Variants in PPIP5K2 observed in about 807,000 individuals in gnomAD.
PPIP5K2 encodes the protein diphosphoinositol pentakisphosphate kinase 2.
A neutral mutation model predicts 154.6 loss-of-function variants in PPIP5K2; 105 were observed. The ratio of observed to expected loss-of-function variants is 0.68; its 90% CI spans 0.58 to 0.80. The LOEUF is 0.80. Ranked by LOEUF, PPIP5K2 falls within the 30% of genes least tolerant of loss-of-function variation. The probability of loss-of-function intolerance (pLI) is 0.00; values close to 1 mark genes in which losing one functional copy is unlikely to be tolerated. For synonymous variants in PPIP5K2, 480 were observed against 490.3 expected, an observed-to-expected ratio of 0.98 and a Z score of 0.28; for missense variants, 992 against 1,504.6, an observed-to-expected ratio of 0.66 and a Z score of 5.64.
At chr5:103,156,517 G>C (rs930342037) in intron 14 of PPIP5K2, among the ~76,000 whole-genome samples, 1 of 152,178 alleles carries the variant, frequency 6.6e-6, no homozygotes, top group African/African-American at 2.4e-5. Context: ...AAAGGGTAGG[G>C]ATTGGGGAAG....
rs782171286 is a variant in PPIP5K2, at chr5:103,152,758, G to A, written c.1130+9G>A. On this transcript the variant is annotated intron_variant, in intron 10 of 30. Coordinates refer to ENST00000358359, the MANE Select transcript of PPIP5K2 (RefSeq NM_001276277.3). ...ACTACATCTGGAACTATGTAAGTCT[G>A]AATTATTTTCATTTAGAAATTGAGT... is the stretch of plus-strand genomic sequence containing the variant. 1.3e-6 allele frequency: 2 copies of A among 1,504,282 alleles called. No homozygotes were observed. Among genetic ancestry groups the A allele is most frequent in the East Asian group, 4.6e-5 (2 of 43,858 alleles). 93.2% of individuals were successfully genotyped at this position (1,504,282 alleles called of 1,614,324 possible).
rs183128341 is a variant in PPIP5K2, at chr5:103,183,239, G to A, written c.2928G>A (p.Glu976=). 5.3e-6 allele frequency: 3 copies of A among 566,142 alleles called. No individual in the cohort carries two copies. In the Admixed American group the frequency reaches 1.6e-4, roughly 31 times the overall value. 35.1% of individuals were successfully genotyped at this position (566,142 alleles called of 1,614,324 possible). A position where few individuals can be genotyped will look rare whatever the true frequency, so the allele number is the denominator to read the frequency against. ...RSRKTATNDE[E]SPLSVSSPEG... ...GCCCCCTTTCTCACTTCCAGGAAGA[G>A]AGCCCCCTGAGTGTGTCTAGCCCAG... The change falls in exon 25 of 31, where the codon GAG becomes GAA. Residue 976 remains glutamate (E), a synonymous_variant. Coordinates refer to ENST00000358359, the MANE Select transcript of PPIP5K2 (RefSeq NM_001276277.3).
At chr5:103,130,199 AG>A (rs1329714085) in intron 2 of PPIP5K2, among the ~76,000 whole-genome samples, 8 of 152,156 alleles carry the variant, frequency 5.3e-5, no homozygotes, top group African/African-American at 1.9e-4. Context: ...CTACCTAAAA[AG>A]TATCTATGTG....
intron 1 of PPIP5K2, among the ~76,000 whole-genome samples, chr5:103,123,399 C>T (rs782222701): frequency 1.3e-5 from 2 of 152,188 alleles, no homozygotes. Flanking sequence ...TCAGCATCAC[C>T]TTGGAACTTT....
At chr5:103,147,098 A>G (rs1162746944) in intron 6 of PPIP5K2, among the ~76,000 whole-genome samples, 2 of 152,096 alleles carry the variant, frequency 1.3e-5, no homozygotes, top group Admixed American at 6.5e-5. Context: ...ATGACATTGT[A>G]TTACTTTTTG....
chr5:103,128,382 A>C (rs1445480076), intron 1 of PPIP5K2, among the ~76,000 whole-genome samples: 3 of 140,480 alleles, frequency 2.1e-5, no homozygotes, highest in African/African-American at 8.2e-5. Flanking sequence ...CTGCTCTTAT[A>C]GTTCTTATTT....
At chr5:103,136,599 CA>C (rs1205552232) in intron 3 of PPIP5K2, 132 bp from the exon 4 acceptor site, 11 of 678,052 alleles carry the variant, frequency 1.6e-5, no homozygotes, top group Non-Finnish European at 1.3e-5. Flanking sequence ...GTATATATTC[CA>C]TACCTTTTAT....
rs781870250 is a variant in PPIP5K2, at chr5:103,133,663, G to T, written c.310+15G>T. On this transcript the variant is annotated intron_variant, in intron 3 of 30. Transcript: ENST00000358359. Reference sequence around the variant, plus strand: ...CCATTCTAAAGGTATTAAGGGGAGTGGGGGAGAAACTCCTTTATCCTCTCT... The same window carrying T: ...CCATTCTAAAGGTATTAAGGGGAGTTGGGGAGAAACTCCTTTATCCTCTCT... 5 of 1,547,672 alleles carry T rather than the reference G, an allele frequency of 3.2e-6. No individual in the cohort carries two copies. Among genetic ancestry groups the T allele is most frequent in the Non-Finnish European group, 4.3e-6 (5 of 1,150,238 alleles).
intron 4 of PPIP5K2, among the ~76,000 whole-genome samples, chr5:103,137,223 C>T (rs1428198085): frequency 6.7e-6 from 1 of 148,194 alleles, no homozygotes; most frequent in Non-Finnish European, 1.5e-5. Flanking sequence ...AGTGCAGTGG[C>T]GGGATCTCAG....
At chr5:103,131,076 T>C (rs1269505266) in intron 2 of PPIP5K2, among the ~76,000 whole-genome samples, 5 of 152,132 alleles carry the variant, frequency 3.3e-5, no homozygotes, top group African/African-American at 1.2e-4. Context: ...TTCCAAACCC[T>C]CCCCAGATTT....
intron 28 of PPIP5K2, among the ~76,000 whole-genome samples, chr5:103,189,970 A>G (rs1310736787): frequency 6.6e-6 from 1 of 152,000 alleles, no homozygotes; most frequent in Non-Finnish European, 1.5e-5. Flanking sequence ...ATGCAGAAAG[A>G]CTCGTTATTT....
intron 3 of PPIP5K2, among the ~76,000 whole-genome samples, chr5:103,134,168 A>C (rs1242781188): frequency 6.6e-6 from 1 of 152,088 alleles, no homozygotes; most frequent in Non-Finnish European, 1.5e-5. Flanking sequence ...TTTCATATAC[A>C]TATTCATACT....
intron 30 of PPIP5K2, among the ~76,000 whole-genome samples, chr5:103,200,333 A>T (rs1174274456): frequency 6.6e-6 from 1 of 151,694 alleles, no homozygotes; most frequent in Non-Finnish European, 1.5e-5. Context: ...CTTATGTTGG[A>T]CTTGTAGCCA....
intron 17 of PPIP5K2, among the ~76,000 whole-genome samples, chr5:103,162,410 G>T (rs466325): frequency 0.95 from 144,017 of 151,056 alleles, 68,692 homozygotes; most frequent in East Asian, 1. Flanking sequence ...TCACCCAGGC[G>T]GGAGTGCAGT....
At chr5:103,173,761 C>T (rs1798311589) in intron 20 of PPIP5K2, 97 bp from the exon 21 acceptor site, 6 of 817,524 alleles carry the variant, frequency 7.3e-6, no homozygotes, top group Non-Finnish European at 1.2e-5. Context: ...TCTTTTACTT[C>T]TAGTGAAATT....
chr5:103,163,861 T>C (rs2149649304), intron 17 of PPIP5K2, among the ~76,000 whole-genome samples: 1 of 152,094 alleles, frequency 6.6e-6, no homozygotes, highest in East Asian at 1.9e-4. Context: ...TTTGCTGAAA[T>C]TTTGGTTAGG....
intron 5 of PPIP5K2, 51 bp from the exon 6 acceptor site, chr5:103,146,476 A>G (rs1793776301): frequency 6.4e-7 from 1 of 1,570,502 alleles, no homozygotes; most frequent in African/African-American, 1.4e-5. Flanking sequence ...TGGTGTCCTG[A>G]TAATATAATA....
At position 103,173,937 on chromosome 5, in the gene PPIP5K2, T is replaced by C. The variant is rs1580343984; in HGVS notation, c.2494T>C (p.Leu832=). ...TACCAGTGAAAGTCATGTACATTCT[T>C]TGCTGTCTATTCTTCGCTATGGTGC... The part of the protein sequence containing the change: ...YFTSESHVHS[L]LSILRYGALC... Residue 832 remains leucine, a synonymous_variant, in exon 21 of 31, where the codon TTG becomes CTG. Coordinates refer to ENST00000358359, the MANE Select transcript of PPIP5K2 (RefSeq NM_001276277.3). The C allele has an allele frequency of 6.2e-7, 1 of 1,606,338 alleles. No individual in the cohort carries two copies. The highest frequency in any genetic ancestry group is 2.2e-5 in the East Asian group (1 of 44,684).
intron 28 of PPIP5K2, chr5:103,188,900 A>C: frequency 3.0e-6 from 1 of 333,096 alleles, no homozygotes; most frequent in Non-Finnish European, 5.4e-6. Context: ...ACAAATGCAC[A>C]TAAGGTGCAT....
Sources: allele counts gnomAD v4.1 joint callset (sites outside exome capture counted in the v4.1 genomes callset), GRCh38; gene constraint gnomAD v4.1.1; transcripts MANE v1.5; gene names NCBI Gene and HGNC (gene_info 2026-07-23, HGNC 2026-07-21).